CTNNA2: variants seen among roughly 807,000 people sequenced by gnomAD.
CTNNA2 encodes the protein catenin alpha 2.
A neutral mutation model predicts 101.0 loss-of-function variants in CTNNA2; 42 were observed. The observed-to-expected ratio is 0.42, with a 90% confidence interval of 0.32 to 0.54. The LOEUF (loss-of-function observed/expected upper bound fraction) is 0.54, where lower values mean the gene tolerates loss of function less well. Ranked by LOEUF, CTNNA2 falls within the 20% of genes least tolerant of loss-of-function variation. The pLI, the probability that CTNNA2 is intolerant of heterozygous loss-of-function variation, is 0.14. For synonymous variants in CTNNA2, 450 were observed against 456.4 expected (o/e 0.99, Z 0.18); for missense variants, 871 against 1,223.1 (o/e 0.71, Z 4.29).
intron 7 of CTNNA2, among the ~76,000 whole-genome samples, chr2:80,026,866 G>A (rs1028612665): frequency 4.6e-5 from 7 of 152,228 alleles, no homozygotes; most frequent in Admixed American, 1.3e-4. Flanking sequence ...TTTCAAAAAT[G>A]TTTTAAAATA....
chr2:79,676,083 C>G (rs2104612067), intron 2 of CTNNA2, among the ~76,000 whole-genome samples: 1 of 152,298 alleles, frequency 6.6e-6, no homozygotes, highest in Non-Finnish European at 1.5e-5. Context: ...GCATGCAGGT[C>G]TGTGCTGAGT....
At position 80,205,698 on chromosome 2, in the gene CTNNA2, C is replaced by T. The variant is rs958235348; in HGVS notation, c.1057-187513C>T. On this transcript the variant is annotated intron_variant, in intron 7 of 18. Transcript: ENST00000402739. ...TGGTGTTAACTTACTGCCTCTCTTGCGGTTTTCCAGATTGCTAAACCTTCT... is the reference window on the plus strand; with the variant it reads ...TGGTGTTAACTTACTGCCTCTCTTGTGGTTTTCCAGATTGCTAAACCTTCT... Among the ~76,000 whole-genome samples, 7 of 152,168 alleles carry T rather than the reference C, an allele frequency of 4.6e-5. No individual in the cohort carries two copies. In the East Asian group the frequency reaches 7.7e-4, roughly 17 times the overall value.
intron 4 of CTNNA2, among the ~76,000 whole-genome samples, chr2:79,468,190 C>T (rs148560535): frequency 8.9e-4 from 135 of 151,932 alleles, no homozygotes; most frequent in African/African-American, 3.1e-3. Context: ...GAAGATCTAC[C>T]GAGCAAATGG....
At chr2:79,732,279 TG>T (rs1328985409) in intron 2 of CTNNA2, among the ~76,000 whole-genome samples, 2 of 151,956 alleles carry the variant, frequency 1.3e-5, no homozygotes, top group African/African-American at 4.8e-5. Context: ...CCCAGGTCAT[TG>T]AAAAGTGAAG....
At chr2:79,675,902 A>G (rs924476342) in intron 2 of CTNNA2, among the ~76,000 whole-genome samples, 2 of 152,242 alleles carry the variant, frequency 1.3e-5, no homozygotes, top group African/African-American at 4.8e-5. Context: ...AAGATAAAAC[A>G]TGTTCCTAAT....
At chr2:80,213,428 G>A (rs942155130) in intron 7 of CTNNA2, among the ~76,000 whole-genome samples, 1 of 152,006 alleles carries the variant, frequency 6.6e-6, no homozygotes, top group African/African-American at 2.4e-5. Flanking sequence ...TGTTCTTATT[G>A]GTTTCAAAGA....
intron 7 of CTNNA2, among the ~76,000 whole-genome samples, chr2:80,323,298 G>C (rs1324947978): frequency 6.6e-6 from 1 of 152,222 alleles, no homozygotes; most frequent in Non-Finnish European, 1.5e-5. Context: ...TCTGCGTTTT[G>C]AGGCGGTCTC....
At chr2:79,584,175 A>C (rs1229733762) in intron 1 of CTNNA2, among the ~76,000 whole-genome samples, 1 of 152,136 alleles carries the variant, frequency 6.6e-6, no homozygotes, top group Non-Finnish European at 1.5e-5. Flanking sequence ...GATGCATTCT[A>C]ATTTTACTCT....
chr2:80,384,629 G>A (rs1482376379), intron 7 of CTNNA2, among the ~76,000 whole-genome samples: 8 of 151,520 alleles, frequency 5.3e-5, no homozygotes, highest in African/African-American at 1.9e-4. Context: ...AGAGAGATTT[G>A]AGGAACAGTA....
rs1472823474 is a variant in CTNNA2, at chr2:79,243,013, C to CAT, written c.-406+44938_-406+44939insTA. Among the ~76,000 whole-genome samples, 125 of 96,094 alleles carry CAT rather than the reference C, an allele frequency of 1.3e-3. 1 individual carries two copies. Among genetic ancestry groups the CAT allele is most frequent in the African/African-American group, 3.8e-3 (118 of 31,280 alleles). 63.0% of individuals were successfully genotyped at this position (96,094 alleles called of 152,430 possible). ...ATATATACACACACACACACACACA[C>CAT]ACACACACACACACACGTTAATATT... On this transcript the variant is annotated intron_variant, in intron 2 of 21. Transcript: ENST00000466387.
chr2:80,099,096 C>G (rs940514291), intron 7 of CTNNA2, among the ~76,000 whole-genome samples: 30 of 151,916 alleles, frequency 2.0e-4, no homozygotes, highest in Admixed American at 4.6e-4. Context: ...TTCTGCGTGG[C>G]TCATGCTGGG....
At chr2:80,467,411 G>T (rs1454299208) in intron 9 of CTNNA2, among the ~76,000 whole-genome samples, 2 of 152,060 alleles carry the variant, frequency 1.3e-5, no homozygotes, top group African/African-American at 4.8e-5. Context: ...CACTACTAGG[G>T]GAAGATACGT....
intron 17 of CTNNA2, among the ~76,000 whole-genome samples, chr2:80,614,008 G>T (rs562393361): frequency 6.6e-6 from 1 of 151,478 alleles, no homozygotes; most frequent in African/African-American, 2.4e-5. Context: ...TCATTCCTTT[G>T]GGTCTTAGAA....
intron 7 of CTNNA2, among the ~76,000 whole-genome samples, chr2:80,056,749 G>T (rs913656132): frequency 4.6e-4 from 70 of 152,262 alleles, no homozygotes; most frequent in African/African-American, 1.3e-3. Flanking sequence ...AGAGACAGGG[G>T]CTCCTTCCCA....
chr2:79,805,592 G>C (rs747438775), intron 3 of CTNNA2, among the ~76,000 whole-genome samples: 10 of 152,104 alleles, frequency 6.6e-5, no homozygotes, highest in Non-Finnish European at 1.3e-4. Context: ...TGTCTCAGAA[G>C]GTAATTTTGG....
intron 4 of CTNNA2, among the ~76,000 whole-genome samples, chr2:79,409,141 G>C: frequency 6.6e-6 from 1 of 152,032 alleles, no homozygotes; most frequent in East Asian, 1.9e-4. Flanking sequence ...CTTTTTGTTG[G>C]GGTTGTTTGT....
intron 7 of CTNNA2, among the ~76,000 whole-genome samples, chr2:80,096,577 T>C (rs1185346604): frequency 2.6e-5 from 4 of 152,076 alleles, no homozygotes; most frequent in East Asian, 1.9e-4. Context: ...CTTTCTGTCT[T>C]GTTGATCTGT....
At chr2:80,059,242 C>T (rs1697418725) in intron 7 of CTNNA2, among the ~76,000 whole-genome samples, 1 of 152,126 alleles carries the variant, frequency 6.6e-6, no homozygotes, top group South Asian at 2.1e-4. Flanking sequence ...GTTCTCCTAT[C>T]ACAAATTGCA....
At chr2:80,481,268 G>A (rs1446920232) in intron 9 of CTNNA2, among the ~76,000 whole-genome samples, 1 of 152,048 alleles carries the variant, frequency 6.6e-6, no homozygotes. Context: ...TAATGGCAGA[G>A]GAGTCGTGGT....
Sources: gnomAD v4.1 joint callset for allele counts (sites outside exome capture counted in the v4.1 genomes callset) on GRCh38, gnomAD v4.1.1 for gene constraint, MANE v1.5 for transcripts, NCBI Gene and HGNC (gene_info 2026-07-23, HGNC 2026-07-21) for gene names.